The following CNTN5 variants were observed in gnomAD, a reference collection of about 807,000 sequenced individuals.
CNTN5 encodes contactin 5.
CNTN5 carries 77 observed loss-of-function variants against 129.1 expected under a neutral mutation model. That is an observed-to-expected ratio of 0.60 (90% CI 0.50 to 0.72). The LOEUF (loss-of-function observed/expected upper bound fraction) is 0.72. Ranked by LOEUF, CNTN5 falls within the 30% of genes least tolerant of loss-of-function variation. The pLI, the probability that CNTN5 is intolerant of heterozygous loss-of-function variation, is 0.00. For synonymous variants in CNTN5, 509 were observed against 465.6 expected, an observed-to-expected ratio of 1.09 and a Z score of -1.20; for missense variants, 1,478 against 1,328.8, an observed-to-expected ratio of 1.11 and a Z score of -1.75.
chr11:99,963,467 T>C (rs1463731921), intron 8 of CNTN5, among the ~76,000 whole-genome samples: 3 of 152,162 alleles, frequency 2.0e-5, no homozygotes, highest in Non-Finnish European at 2.9e-5. Context: ...CAGATGATTA[T>C]AGATATGCAG....
intron 3 of CNTN5, among the ~76,000 whole-genome samples, chr11:99,640,875 G>A (rs1951746753): frequency 1.3e-5 from 2 of 152,188 alleles, no homozygotes; most frequent in Admixed American, 6.5e-5. Context: ...TGCAGTGTCA[G>A]CTATTTCTGT....
intron 1 of CNTN5, among the ~76,000 whole-genome samples, chr11:99,142,188 G>A (rs908214902): frequency 2.6e-5 from 4 of 152,066 alleles, no homozygotes; most frequent in Non-Finnish European, 5.9e-5. Context: ...TGTTGCACTA[G>A]GGGGGCCTAG....
chr11:99,476,853 G>A (rs998682560), intron 2 of CNTN5, among the ~76,000 whole-genome samples: 2 of 152,028 alleles, frequency 1.3e-5, no homozygotes, highest in African/African-American at 4.8e-5. Context: ...ACCAACAAGT[G>A]AATGGCTAAT....
At chr11:100,112,646 G>A (rs1039340133) in intron 13 of CNTN5, among the ~76,000 whole-genome samples, 2 of 152,040 alleles carry the variant, frequency 1.3e-5, no homozygotes, top group African/African-American at 2.4e-5. Context: ...CATAACTAGG[G>A]TAATAAAAAT....
chr11:99,120,216 G>T (rs1858242368), intron 1 of CNTN5: 2 of 152,164 alleles, frequency 1.3e-5, no homozygotes, highest in Admixed American at 1.3e-4. Context: ...TCACCCCACA[G>T]ATCACCAGTT....
At chr11:99,056,009 G>A (rs769936690) in intron 1 of CNTN5, among the ~76,000 whole-genome samples, 2 of 151,872 alleles carry the variant, frequency 1.3e-5, no homozygotes, top group Non-Finnish European at 2.9e-5. Flanking sequence ...TAAGGGCCTC[G>A]TGGCTTTAAA....
At chr11:99,848,950 G>A (rs942786875) in intron 6 of CNTN5, among the ~76,000 whole-genome samples, 1 of 152,066 alleles carries the variant, frequency 6.6e-6, no homozygotes, top group Non-Finnish European at 1.5e-5. Flanking sequence ...TTATATCAAT[G>A]ATACTTTCTA....
chr11:99,570,133 A>T (rs921186820), intron 3 of CNTN5, among the ~76,000 whole-genome samples: 6 of 115,232 alleles, frequency 5.2e-5, no homozygotes, highest in South Asian at 3.2e-4. Context: ...AGGTTACTTT[A>T]AAAAAAAAAA....
At chr11:100,351,095 A>G (rs1480917310) in intron 24 of CNTN5, among the ~76,000 whole-genome samples, 2 of 151,608 alleles carry the variant, frequency 1.3e-5, no homozygotes, top group East Asian at 3.9e-4. Flanking sequence ...ATTAGAATAT[A>G]CTGATTTGTG....
chr11:99,694,619 A>G (rs1954185703), intron 3 of CNTN5, among the ~76,000 whole-genome samples: 2 of 152,050 alleles, frequency 1.3e-5, no homozygotes, highest in Admixed American at 1.3e-4. Flanking sequence ...TGCTGCACCT[A>G]TCAACCTGTC....
intron 1 of CNTN5, among the ~76,000 whole-genome samples, chr11:99,269,195 G>T (rs571926361): frequency 6.6e-6 from 1 of 151,928 alleles, no homozygotes; most frequent in African/African-American, 2.4e-5. Flanking sequence ...GACTCGTTAA[G>T]TGCCCTTTGT....
At chr11:100,147,129 C>T (rs1441775616) in intron 13 of CNTN5, among the ~76,000 whole-genome samples, 1 of 152,138 alleles carries the variant, frequency 6.6e-6, no homozygotes, top group Non-Finnish European at 1.5e-5. Flanking sequence ...AACCTGGTTT[C>T]ATCTTTCTGT....
rs368542828 is a variant in CNTN5, at chr11:99,737,603, A to T, written c.56-81941A>T. 8.9e-4 allele frequency among the ~76,000 whole-genome samples: 135 copies of T among 152,300 alleles called. 2 individuals carry two copies. The highest frequency in any genetic ancestry group is 3.2e-3 in the African/African-American group (133 of 41,564). Reference sequence around the variant, plus strand: ...AGCACTGAAAAAATAATCCAAGCATATGGGTTCTAATCTTTGGATTCTTTC... The same window carrying T: ...AGCACTGAAAAAATAATCCAAGCATTTGGGTTCTAATCTTTGGATTCTTTC... On this transcript the variant is annotated intron_variant, in intron 3 of 24. Coordinates refer to ENST00000524871, the MANE Select transcript of CNTN5 (RefSeq NM_014361.4).
intron 3 of CNTN5, among the ~76,000 whole-genome samples, chr11:99,583,203 ACCCGGCCGTGTGAGGTGTTAGT>A (rs906249957): frequency 8.5e-5 from 13 of 152,230 alleles, no homozygotes; most frequent in African/African-American, 2.9e-4. Flanking sequence ...TCAGAGGAGT[ACCCGGCCGTGTGAGGTGTTAGT>A]CTGCCCCTAA....
chr11:99,282,107 T>C (rs1387302192), intron 1 of CNTN5, among the ~76,000 whole-genome samples: 1 of 152,050 alleles, frequency 6.6e-6, no homozygotes, highest in Admixed American at 6.6e-5. Context: ...CTGGTGTTTA[T>C]AACCGGAAAA....
chr11:99,779,659 T>C (rs2845957), intron 3 of CNTN5, among the ~76,000 whole-genome samples: 101,917 of 151,726 alleles, frequency 0.67, 34,381 homozygotes, highest in East Asian at 0.72. Context: ...GTTATGATTC[T>C]TACTATATTG....
At chr11:99,337,854 T>C (rs1439195122) in intron 2 of CNTN5, among the ~76,000 whole-genome samples, 4 of 69,316 alleles carry the variant, frequency 5.8e-5, no homozygotes, top group African/African-American at 1.6e-4. Context: ...GTTATTTCTA[T>C]GTTCTATAAA....
chr11:99,100,034 T>C (rs1343868966), intron 1 of CNTN5, among the ~76,000 whole-genome samples: 1 of 152,146 alleles, frequency 6.6e-6, no homozygotes, highest in Non-Finnish European at 1.5e-5. Context: ...TAAAACATAC[T>C]TTTTATGGCA....
chr11:99,574,371 C>A (rs1949278157), intron 3 of CNTN5, among the ~76,000 whole-genome samples: 2 of 152,160 alleles, frequency 1.3e-5, no homozygotes. Flanking sequence ...TAAACATATG[C>A]ATGCATGCAT....
Sources: allele counts gnomAD v4.1 joint callset (sites outside exome capture counted in the v4.1 genomes callset), GRCh38; gene constraint gnomAD v4.1.1; transcripts MANE v1.5; gene names NCBI Gene and HGNC (gene_info 2026-07-23, HGNC 2026-07-21).